The following UPF2 variants were observed in gnomAD, a reference collection of about 807,000 sequenced individuals.
UPF2 encodes the protein regulator of nonsense transcripts 2.
In UPF2, 17 loss-of-function variants were observed where a neutral mutation model predicts 141.4. The ratio of observed to expected loss-of-function variants is 0.12; its 90% CI spans 0.08 to 0.18. The LOEUF is 0.18. Ranked by LOEUF, UPF2 falls within the 10% of genes least tolerant of loss-of-function variation. The probability of loss-of-function intolerance (pLI) is 1.00; values close to 1 mark genes in which losing one functional copy is unlikely to be tolerated. For synonymous variants in UPF2, 540 were observed against 498.0 expected, an observed-to-expected ratio of 1.08 and a Z score of -1.12; for missense variants, 1,152 against 1,515.9, an observed-to-expected ratio of 0.76 and a Z score of 3.99.
chr10:11,965,868 G>A (rs1292481388), intron 10 of UPF2, among the ~76,000 whole-genome samples: 1 of 151,914 alleles, frequency 6.6e-6, no homozygotes, highest in Non-Finnish European at 1.5e-5. Flanking sequence ...GACCTGTTTT[G>A]TGTGATATAT....
intron 4 of UPF2, among the ~76,000 whole-genome samples, chr10:12,007,142 A>C (rs1016113947): frequency 2.6e-5 from 4 of 152,234 alleles, no homozygotes; most frequent in Non-Finnish European, 4.4e-5. Context: ...AAGGAATGAG[A>C]TGTATCTACA....
chr10:12,005,053 T>C (rs1236586451), intron 4 of UPF2, among the ~76,000 whole-genome samples: 2 of 151,798 alleles, frequency 1.3e-5, no homozygotes, highest in Non-Finnish European at 2.9e-5. Flanking sequence ...AAATAAAATA[T>C]ATAAGCCTGG....
At position 12,035,338 on chromosome 10, in the gene UPF2, C is replaced by G. The variant is rs770468918; in HGVS notation, c.86G>C (p.Arg29Pro). 6.2e-7 allele frequency: 1 copy of G among 1,610,740 alleles called. No homozygotes were observed. Among genetic ancestry groups the G allele is most frequent in the African/African-American group, 1.3e-5 (1 of 74,572 alleles). Reference protein sequence around the residue: ...NNKEKDCSERRTVSSKERPKD... With the variant: ...NNKEKDCSERPTVSSKERPKD... ...TGGCCTCTCCTTGCTGCTCACTGTC[C>G]GCCTTTCACTGCAGTCTTTTTCCTT... Residue 29 changes from arginine to proline, a missense_variant, in exon 2 of 22, where the codon CGG becomes CCG. Physicochemically the swap from Arg to Pro is moderately radical, Grantham distance 103. Coordinates refer to ENST00000357604, the MANE Select transcript of UPF2 (RefSeq NM_015542.4).
At chr10:11,990,386 G>A (rs1382340265) in intron 8 of UPF2, among the ~76,000 whole-genome samples, 3 of 152,152 alleles carry the variant, frequency 2.0e-5, no homozygotes, top group African/African-American at 4.8e-5. Context: ...ACAGGGAAAC[G>A]GCCCCCAAAG....
Position 12,042,354 on chromosome 10 carries a change from C to T in UPF2, c.-19+401G>A, listed in dbSNP as rs1011798905. Among the ~76,000 whole-genome samples the T allele has an allele frequency of 2.6e-5, 4 of 152,166 alleles. No individual in the cohort carries two copies. The highest frequency in any genetic ancestry group is 4.4e-5 in the Non-Finnish European group (3 of 68,020). On this transcript the variant is annotated intron_variant, in intron 1 of 21. Coordinates refer to ENST00000357604, the MANE Select transcript of UPF2 (RefSeq NM_015542.4). This position sits in a 1 kb window ranked among gnomAD's most constrained non-coding sequence, Gnocchi z 5.5. ...CCGCAGCCTCCCACACACGCGCCCTCCCCACTTTCTCGCCCTCGCTTCCCT... is the reference window on the plus strand; with the variant it reads ...CCGCAGCCTCCCACACACGCGCCCTTCCCACTTTCTCGCCCTCGCTTCCCT...
chr10:11,969,358 A>T (rs1256528729), intron 9 of UPF2, among the ~76,000 whole-genome samples: 1 of 151,672 alleles, frequency 6.6e-6, no homozygotes, highest in African/African-American at 2.4e-5. Context: ...TTTAGTAGAG[A>T]CGGGGTTTCA....
intron 2 of UPF2, among the ~76,000 whole-genome samples, chr10:12,032,484 T>C (rs765089260): frequency 6.6e-6 from 1 of 152,076 alleles, no homozygotes; most frequent in African/African-American, 2.4e-5. Flanking sequence ...TAGTTCACTA[T>C]ACTATTCTAT....
chr10:11,972,930 C>T (rs1564350738), intron 9 of UPF2, among the ~76,000 whole-genome samples: 2 of 152,256 alleles, frequency 1.3e-5, no homozygotes, highest in South Asian at 2.1e-4. Context: ...AATGGTATTT[C>T]CAGTTCTAGA....
At chr10:11,986,086 G>A (rs1412712273) in intron 8 of UPF2, among the ~76,000 whole-genome samples, 1 of 151,370 alleles carries the variant, frequency 6.6e-6, no homozygotes, top group East Asian at 2.0e-4. Context: ...GGGTTTCACC[G>A]TGATAGCCAG....
chr10:12,009,926 T>A (rs1038975936), intron 4 of UPF2, among the ~76,000 whole-genome samples: 1 of 152,152 alleles, frequency 6.6e-6, no homozygotes, highest in Admixed American at 6.6e-5. Context: ...TAGGTGAGAC[T>A]GGGAAAATAA....
At chr10:11,933,306 TTC>T (rs1468023199) in intron 19 of UPF2, among the ~76,000 whole-genome samples, 2 of 152,172 alleles carry the variant, frequency 1.3e-5, no homozygotes, top group Non-Finnish European at 2.9e-5. Flanking sequence ...AAAATCTACT[TTC>T]TTTTTCAGAC....
intron 3 of UPF2, among the ~76,000 whole-genome samples, chr10:12,018,746 T>C (rs769486544): frequency 6.6e-6 from 1 of 152,064 alleles, no homozygotes; most frequent in Non-Finnish European, 1.5e-5. Flanking sequence ...AGTGAGACCC[T>C]GCCTCAAAAA....
At position 11,953,839 on chromosome 10, in the gene UPF2, G is replaced by GC. The variant is rs1426332424; in HGVS notation, c.2850+1392dup. ...CTACTGCAAAAGAATAGCGGTAGGA[G>GC]CAAGCTAACAGACCGCAATTCCCGA... On this transcript the variant is annotated intron_variant, in intron 14 of 21. Coordinates refer to ENST00000357604, the MANE Select transcript of UPF2 (RefSeq NM_015542.4). This position sits in a 1 kb window ranked among gnomAD's most constrained non-coding sequence, Gnocchi z 5.0. 2.0e-5 allele frequency among the ~76,000 whole-genome samples: 3 copies of GC among 152,172 alleles called. No homozygotes were observed. The highest frequency in any genetic ancestry group is 4.4e-5 in the Non-Finnish European group (3 of 68,020).
At position 12,030,546 on chromosome 10, in the gene UPF2, T is replaced by A. The variant is rs184229019; in HGVS notation, c.366-1022A>T. Among the ~76,000 whole-genome samples the A allele has an allele frequency of 7.9e-4, 106 of 133,750 alleles. No individual in the cohort carries two copies. In the East Asian group the frequency reaches 0.011, roughly 14 times the overall value. The allele number at this position is 133,750 out of a possible 152,430, so 87.7% of individuals were successfully genotyped here. ...CAGAGCGAGACTCTGCCTCAAAAAATAATAATAATAATAATAATAATTAGC... is the reference window on the plus strand; with the variant it reads ...CAGAGCGAGACTCTGCCTCAAAAAAAAATAATAATAATAATAATAATTAGC... On this transcript the variant is annotated intron_variant, in intron 2 of 21. Coordinates refer to ENST00000357604, the MANE Select transcript of UPF2 (RefSeq NM_015542.4).
intron 1 of UPF2, among the ~76,000 whole-genome samples, chr10:12,039,982 T>C (rs951668955): frequency 6.6e-6 from 1 of 152,162 alleles, no homozygotes; most frequent in Non-Finnish European, 1.5e-5. Flanking sequence ...ATTAAGAAAT[T>C]CATGTAGTAT....
chr10:11,932,982 T>A (rs1409138490), intron 19 of UPF2, among the ~76,000 whole-genome samples: 2 of 152,208 alleles, frequency 1.3e-5, no homozygotes, highest in African/African-American at 2.4e-5. Context: ...TTTTATAACA[T>A]TTATATTACA....
Position 11,929,969 on chromosome 10 carries a change from A to C in UPF2, c.3705T>G (p.Leu1235=). The part of the protein sequence containing the change: ...QEDYQEMLQS[L]AQRPAPANTN... Reference sequence around the variant, plus strand: ...TGTTTGCTGGAGCTGGGCGCTGTGCAAGAGACTGCAACATTTCTGTAATTA... The same window carrying C: ...TGTTTGCTGGAGCTGGGCGCTGTGCCAGAGACTGCAACATTTCTGTAATTA... Residue 1235 remains leucine (L), a synonymous_variant, in exon 21 of 22, where the codon CTT becomes CTG. Transcript: ENST00000357604. 6.2e-7 allele frequency: 1 copy of C among 1,614,196 alleles called. No individual in the cohort carries two copies. Among genetic ancestry groups the C allele is most frequent in the East Asian group, 2.2e-5 (1 of 44,888 alleles).
intron 4 of UPF2, among the ~76,000 whole-genome samples, chr10:12,008,783 G>A (rs564734791): frequency 2.6e-5 from 4 of 151,656 alleles, no homozygotes; most frequent in East Asian, 1.9e-4. Context: ...TTACCAACCC[G>A]TCACCTAGGT....
chr10:11,940,571 G>C lies in UPF2; in HGVS notation c.3378+2094C>G, dbSNP rs1402699141. On this transcript the variant is annotated intron_variant, in intron 18 of 21. Coordinates refer to ENST00000357604, the MANE Select transcript of UPF2 (RefSeq NM_015542.4). The surrounding 1 kb of genome is among the most constrained non-coding windows in gnomAD (Gnocchi z 4.2). Reference sequence around the variant, plus strand: ...CCCTTGTTTCCTGTCCCAGAGATTAGCCAGTGGCCCAATCTGGAAAACCAA... The same window carrying C: ...CCCTTGTTTCCTGTCCCAGAGATTACCCAGTGGCCCAATCTGGAAAACCAA... 2.6e-5 allele frequency among the ~76,000 whole-genome samples: 4 copies of C among 151,434 alleles called. No individual in the cohort carries two copies. In the East Asian group the frequency reaches 7.7e-4, roughly 29 times the overall value.
Sources: allele counts gnomAD v4.1 joint callset (sites outside exome capture counted in the v4.1 genomes callset), GRCh38; gene constraint gnomAD v4.1.1; non-coding constraint Gnocchi (gnomAD v3.1); transcripts MANE v1.5; gene names NCBI Gene and HGNC (gene_info 2026-07-23, HGNC 2026-07-21).